PID1: variants seen among roughly 807,000 people sequenced by gnomAD.
PID1 encodes phosphotyrosine interaction domain containing 1.
Under a neutral mutation model 19.1 loss-of-function variants are expected in PID1, and 10 were observed. That is an observed-to-expected ratio of 0.52 (90% CI 0.32 to 0.89). The LOEUF is 0.89. Among genes scored for constraint, PID1 ranks in the 40% least tolerant of loss-of-function variants. The pLI is 0.03. For synonymous variants in PID1, 130 were observed against 116.0 expected (o/e 1.12, Z -0.78); for missense variants, 248 against 285.3 (o/e 0.87, Z 0.94).
chr2:229,048,655 GGGCAGACAGCAGC>G (rs1693931618), intron 2 of PID1, among the ~76,000 whole-genome samples: 1 of 152,130 alleles, frequency 6.6e-6, no homozygotes, highest in Non-Finnish European at 1.5e-5. Context: ...TCAAAAGGAA[GGGCAGACAGCAGC>G]GGCTAGTAAT....
At chr2:229,069,176 T>TGTGTGTGTGA (rs751070345) in intron 2 of PID1, among the ~76,000 whole-genome samples, 5 of 150,820 alleles carry the variant, frequency 3.3e-5, no homozygotes, top group South Asian at 2.1e-4. Context: ...TGTGTGTGTG[T>TGTGTGTGTGA]GTGAGATGAG....
intron 2 of PID1, among the ~76,000 whole-genome samples, chr2:229,079,987 C>A (rs761409324): frequency 6.6e-6 from 1 of 152,026 alleles, no homozygotes; most frequent in Non-Finnish European, 1.5e-5. Flanking sequence ...TGGGACTCTG[C>A]CGGTCAGAGG....
chr2:229,136,062 G>C (rs930165117), intron 2 of PID1, among the ~76,000 whole-genome samples: 2 of 152,174 alleles, frequency 1.3e-5, no homozygotes, highest in African/African-American at 4.8e-5. Context: ...AAACTCTGTT[G>C]TCTGTCTTGC....
chr2:229,055,719 A>G (rs936765304), intron 2 of PID1, among the ~76,000 whole-genome samples: 9 of 152,240 alleles, frequency 5.9e-5, no homozygotes, highest in African/African-American at 1.9e-4. Flanking sequence ...AAAGATATCT[A>G]CCAATTTTGC....
chr2:229,049,653 G>A (rs979491781), intron 2 of PID1, among the ~76,000 whole-genome samples: 1 of 151,980 alleles, frequency 6.6e-6, no homozygotes, highest in Non-Finnish European at 1.5e-5. Context: ...TAAGAGACAT[G>A]TTCTCATTTC....
chr2:229,164,930 C>T (rs539737186), intron 1 of PID1, among the ~76,000 whole-genome samples: 154 of 152,276 alleles, frequency 1.0e-3, no homozygotes, highest in African/African-American at 3.5e-3. Context: ...CAGCTGACTA[C>T]TGATCAGCAT....
At chr2:229,109,803 C>T (rs1391165899) in intron 2 of PID1, among the ~76,000 whole-genome samples, 3 of 152,200 alleles carry the variant, frequency 2.0e-5, no homozygotes, top group Admixed American at 6.5e-5. Flanking sequence ...TAAATAGCAG[C>T]TGCATATATT....
chr2:229,055,899 C>G (rs1262417443), intron 2 of PID1, among the ~76,000 whole-genome samples: 1 of 152,190 alleles, frequency 6.6e-6, no homozygotes, highest in Non-Finnish European at 1.5e-5. Flanking sequence ...AATCAAAGTT[C>G]CCATTTCACA....
intron 1 of PID1, among the ~76,000 whole-genome samples, chr2:229,216,494 T>A: frequency 6.6e-6 from 1 of 152,154 alleles, no homozygotes; most frequent in East Asian, 1.9e-4. Flanking sequence ...AGCAGCTAAA[T>A]GACCATGTCT....
chr2:229,064,599 A>G (rs747357989), intron 2 of PID1, among the ~76,000 whole-genome samples: 23 of 152,140 alleles, frequency 1.5e-4, no homozygotes, highest in Non-Finnish European at 2.8e-4. Context: ...TTCATAAATT[A>G]TCCAATTTTT....
intron 1 of PID1, among the ~76,000 whole-genome samples, chr2:229,246,388 C>T (rs369967018): frequency 6.6e-6 from 1 of 152,082 alleles, no homozygotes; most frequent in South Asian, 2.1e-4. Context: ...CATGCAATAT[C>T]CCTGCAAGGT....
intron 2 of PID1, among the ~76,000 whole-genome samples, chr2:229,045,429 T>C (rs941360017): frequency 2.6e-5 from 4 of 152,234 alleles, no homozygotes; most frequent in African/African-American, 4.8e-5. Flanking sequence ...CTGATACTTA[T>C]GCTCTTTCCT....
chr2:229,128,835 C>T (rs1318033413), intron 2 of PID1, among the ~76,000 whole-genome samples: 1 of 152,076 alleles, frequency 6.6e-6, no homozygotes, highest in Non-Finnish European at 1.5e-5. Context: ...TTTGATACCA[C>T]GACAGGATGA....
intron 1 of PID1, among the ~76,000 whole-genome samples, chr2:229,164,848 G>A (rs1690566898): frequency 6.6e-6 from 1 of 152,186 alleles, no homozygotes; most frequent in East Asian, 1.9e-4. Context: ...GAAAGCCTGG[G>A]GGGACAAACA....
intron 2 of PID1, among the ~76,000 whole-genome samples, chr2:229,094,702 T>C (rs1001154739): frequency 6.6e-6 from 1 of 151,938 alleles, no homozygotes; most frequent in East Asian, 1.9e-4. Flanking sequence ...CCCTATTCAA[T>C]AAATGGTGAT....
rs531339942 is a variant in PID1, at chr2:229,127,036, G to T, written c.177+28782C>A. ...CTGTCTATTTGGATGCCAGCGGGGA[G>T]AGAGAATAAAAGGCCATCAGCACAG... On this transcript the variant is annotated intron_variant, in intron 2 of 2. Coordinates refer to ENST00000392055, the MANE Select transcript of PID1 (RefSeq NM_001100818.2). Among the ~76,000 whole-genome samples the T allele has an allele frequency of 5.9e-5, 9 of 152,356 alleles. No homozygotes were observed. In the South Asian group the frequency reaches 1.7e-3, roughly 28 times the overall value.
intron 1 of PID1, among the ~76,000 whole-genome samples, chr2:229,260,488 G>A (rs1294654519): frequency 6.7e-6 from 1 of 149,990 alleles, no homozygotes; most frequent in Non-Finnish European, 1.5e-5. Context: ...ATGTATATAT[G>A]TATATATATG....
intron 1 of PID1, among the ~76,000 whole-genome samples, chr2:229,220,882 G>A (rs1389462481): frequency 6.6e-6 from 1 of 151,634 alleles, no homozygotes; most frequent in Non-Finnish European, 1.5e-5. Context: ...GTTTTATTGT[G>A]CTATTCTGTC....
At chr2:229,061,575 C>T (rs1181409627) in intron 2 of PID1, among the ~76,000 whole-genome samples, 1 of 151,722 alleles carries the variant, frequency 6.6e-6, no homozygotes, top group East Asian at 1.9e-4. Context: ...CTCAAGATTG[C>T]TTTCACTATT....
Sources: allele counts gnomAD v4.1 joint callset (sites outside exome capture counted in the v4.1 genomes callset), GRCh38; gene constraint gnomAD v4.1.1; transcripts MANE v1.5; gene names NCBI Gene and HGNC (gene_info 2026-07-23, HGNC 2026-07-21).